Variants in PBX1 observed in about 807,000 individuals in gnomAD.
The protein encoded by PBX1 is PBX homeobox 1, also known as pre-B-cell leukemia transcription factor 1.
A neutral mutation model predicts 53.4 loss-of-function variants in PBX1; 6 were observed. That is an observed-to-expected ratio of 0.11 (90% CI 0.06 to 0.22). The LOEUF (loss-of-function observed/expected upper bound fraction) is 0.22, where lower values mean the gene tolerates loss of function less well. Ranked by LOEUF, PBX1 falls within the 10% of genes least tolerant of loss-of-function variation. The pLI is 1.00. For synonymous variants in PBX1, 204 were observed against 212.3 expected (o/e 0.96, Z 0.34); for missense variants, 251 against 551.4 (o/e 0.46, Z 5.46).
chr1:164,764,582 G>T (rs1378206909), intron 2 of PBX1, among the ~76,000 whole-genome samples: 1 of 152,086 alleles, frequency 6.6e-6, no homozygotes, highest in African/African-American at 2.4e-5. Flanking sequence ...ATTTTATTTA[G>T]ACCACAGATG....
chr1:164,689,221 T>C (rs963253132), intron 2 of PBX1, among the ~76,000 whole-genome samples: 13 of 152,240 alleles, frequency 8.5e-5, no homozygotes, highest in Non-Finnish European at 1.6e-4. Context: ...AACATGTTGG[T>C]GGAAGAAGCC....
At chr1:164,857,024 C>G (rs1447871590) in intron 2 of PBX1, among the ~76,000 whole-genome samples, 1 of 152,084 alleles carries the variant, frequency 6.6e-6, no homozygotes, top group Non-Finnish European at 1.5e-5. Flanking sequence ...CTTCCAATTC[C>G]CCAAAACCAA....
intron 2 of PBX1, among the ~76,000 whole-genome samples, chr1:164,604,236 C>T (rs931429224): frequency 1.4e-4 from 21 of 152,246 alleles, no homozygotes; most frequent in African/African-American, 3.9e-4. Context: ...CCACTGCGTC[C>T]GGCCTATCAT....
intron 2 of PBX1, among the ~76,000 whole-genome samples, chr1:164,694,163 C>A (rs1181565314): frequency 6.6e-6 from 1 of 152,080 alleles, no homozygotes; most frequent in Non-Finnish European, 1.5e-5. Flanking sequence ...CAAATTCAGT[C>A]CTTATTCTAC....
At chr1:164,664,338 A>G (rs1316153646) in intron 2 of PBX1, among the ~76,000 whole-genome samples, 1 of 152,122 alleles carries the variant, frequency 6.6e-6, no homozygotes, top group African/African-American at 2.4e-5. Flanking sequence ...CTCTAGTCAT[A>G]TGTCTGTGCT....
chr1:164,606,651 C>G (rs1656581821), intron 2 of PBX1, among the ~76,000 whole-genome samples: 1 of 152,184 alleles, frequency 6.6e-6, no homozygotes, highest in Non-Finnish European at 1.5e-5. Context: ...CTCTTTCCTG[C>G]TGGAACATAA....
rs540417440 is a variant in PBX1, at chr1:164,586,961, A to C, written c.265+23650A>C. ...ACCAGGATTTTATATGGAGAATGAG[A>C]TTTGAATGTCGACCTCACACCCAAT... is the stretch of plus-strand genomic sequence containing the variant. On this transcript the variant is annotated intron_variant, in intron 2 of 8. Coordinates refer to ENST00000420696, the MANE Select transcript of PBX1 (RefSeq NM_002585.4). Among the ~76,000 whole-genome samples the C allele has an allele frequency of 2.6e-5, 4 of 152,232 alleles. No individual in the cohort carries two copies. The South Asian group carries it at 6.2e-4, about 24-fold the overall frequency.
intron 2 of PBX1, among the ~76,000 whole-genome samples, chr1:164,773,756 T>C (rs939230143): frequency 1.3e-5 from 2 of 152,178 alleles, no homozygotes; most frequent in African/African-American, 4.8e-5. Context: ...CTGGAGTCTC[T>C]GCTCTCTCCA....
At chr1:164,780,456 C>T (rs149963674) in intron 2 of PBX1, among the ~76,000 whole-genome samples, 2,037 of 152,244 alleles carry the variant, frequency 0.013, 48 homozygotes, top group African/African-American at 0.047. Context: ...TTTGAATGCT[C>T]GCACTCAAGT....
At chr1:164,566,800 T>A (rs778396599) in intron 2 of PBX1, among the ~76,000 whole-genome samples, 3 of 152,242 alleles carry the variant, frequency 2.0e-5, no homozygotes, top group Non-Finnish European at 4.4e-5. Flanking sequence ...AATGAATAGC[T>A]GCAATTGTTG....
chr1:164,805,016 T>A (rs1487669583), intron 4 of PBX1, among the ~76,000 whole-genome samples: 2 of 152,114 alleles, frequency 1.3e-5, no homozygotes, highest in Non-Finnish European at 2.9e-5. Flanking sequence ...GATAACAAAT[T>A]TGATAGTTAG....
intron 2 of PBX1, 27 bp downstream of exon 2, chr1:164,563,338 C>T: frequency 6.6e-7 from 1 of 1,504,604 alleles, no homozygotes; most frequent in Non-Finnish European, 9.2e-7. Flanking sequence ...AACATTTTAG[C>T]ATTTTCTTTG....
Position 164,849,108 on chromosome 1 carries a change from C to T in PBX1, c.*2432C>T, listed in dbSNP as rs1671705171. Reference sequence around the variant, plus strand: ...CCCACGCAAGAACATGGTTGAATCACATTTGCTTGACTTAGGGCAAAGTAC... The same window carrying T: ...CCCACGCAAGAACATGGTTGAATCATATTTGCTTGACTTAGGGCAAAGTAC... On this transcript the variant is annotated 3_prime_UTR_variant, in exon 9 of 9. Coordinates refer to ENST00000420696, the MANE Select transcript of PBX1 (RefSeq NM_002585.4). 1 of 1,355,516 alleles carries T rather than the reference C, an allele frequency of 7.4e-7. No homozygotes were observed. The highest frequency in any genetic ancestry group is 9.5e-7 in the Non-Finnish European group (1 of 1,052,336). The allele number at this position is 1,355,516 out of a possible 1,614,324, so 84.0% of individuals were successfully genotyped here.
At chr1:164,718,687 A>G (rs1057449925) in intron 2 of PBX1, among the ~76,000 whole-genome samples, 2 of 152,174 alleles carry the variant, frequency 1.3e-5, no homozygotes, top group African/African-American at 2.4e-5. Context: ...ATCAGAGCCA[A>G]TGACAGAGGT....
intron 2 of PBX1, among the ~76,000 whole-genome samples, chr1:164,863,579 G>A (rs1323784942): frequency 6.6e-6 from 1 of 152,210 alleles, no homozygotes; most frequent in African/African-American, 2.4e-5. Context: ...GTGATCCTAT[G>A]AGAGCCTATA....
chr1:164,679,245 G>A (rs767596474), intron 2 of PBX1, among the ~76,000 whole-genome samples: 9 of 152,292 alleles, frequency 5.9e-5, no homozygotes, highest in Non-Finnish European at 1.3e-4. Context: ...GGAAATGATG[G>A]TAGAGAGATG....
At chr1:164,865,769 C>T (rs1672201728) in intron 2 of PBX1, among the ~76,000 whole-genome samples, 1 of 152,200 alleles carries the variant, frequency 6.6e-6, no homozygotes, top group Non-Finnish European at 1.5e-5. Flanking sequence ...TCCTGCTCTA[C>T]ATATCTATTG....
chr1:164,725,909 G>A (rs1447623487), intron 2 of PBX1, among the ~76,000 whole-genome samples: 2 of 152,260 alleles, frequency 1.3e-5, no homozygotes, highest in East Asian at 1.9e-4. Context: ...TTATTTTTCA[G>A]TTGGTACATG....
intron 2 of PBX1, chr1:164,590,462 A>G (rs1655295590): frequency 4.4e-6 from 2 of 455,856 alleles, no homozygotes; most frequent in Non-Finnish European, 8.8e-6. Context: ...TGGGAAGTGA[A>G]TAATGGGGCC....
Sources: allele counts gnomAD v4.1 joint callset (sites outside exome capture counted in the v4.1 genomes callset), GRCh38; gene constraint gnomAD v4.1.1; transcripts MANE v1.5; gene names NCBI Gene and HGNC (gene_info 2026-07-23, HGNC 2026-07-21).